The following AGBL1 variants were observed in gnomAD, a reference collection of about 807,000 sequenced individuals.
AGBL1 encodes AGBL carboxypeptidase 1, also known as cytosolic carboxypeptidase 4.
A neutral mutation model predicts 118.9 loss-of-function variants in AGBL1; 130 were observed. That is an observed-to-expected ratio of 1.09 (90% CI 0.95 to 1.26). The LOEUF is 1.26. AGBL1 is among the 50% of genes most tolerant of loss of function. The pLI, the probability that AGBL1 is intolerant of heterozygous loss-of-function variation, is 0.00. For synonymous variants in AGBL1, 555 were observed against 478.9 expected (o/e 1.16, Z -2.08); for missense variants, 1,584 against 1,298.1 (o/e 1.22, Z -3.38).
chr15:86,422,857 C>T (rs529807424), intron 18 of AGBL1, among the ~76,000 whole-genome samples: 1 of 152,036 alleles, frequency 6.6e-6, no homozygotes, highest in African/African-American at 2.4e-5. Flanking sequence ...GAAATGGATA[C>T]ATTCCTGGAC....
chr15:86,138,299 C>T (rs887895601), intron 1 of AGBL1: 2 of 152,190 alleles, frequency 1.3e-5, no homozygotes, highest in Non-Finnish European at 2.9e-5. Flanking sequence ...CAAGAGTCTC[C>T]CATCCAAGTA....
At chr15:86,774,853 G>C (rs1316929444) in intron 22 of AGBL1, among the ~76,000 whole-genome samples, 1 of 152,110 alleles carries the variant, frequency 6.6e-6, no homozygotes, top group Non-Finnish European at 1.5e-5. Context: ...ATGAAGTGGA[G>C]AGGAAGAGAG....
At chr15:86,272,941 A>G (rs1470536354) in intron 15 of AGBL1, among the ~76,000 whole-genome samples, 1 of 152,230 alleles carries the variant, frequency 6.6e-6, no homozygotes, top group Non-Finnish European at 1.5e-5. Flanking sequence ...GATTTAGATT[A>G]AAAATCACCT....
chr15:86,930,670 G>GA (rs911515985), intron 23 of AGBL1, among the ~76,000 whole-genome samples: 7 of 151,942 alleles, frequency 4.6e-5, no homozygotes, highest in African/African-American at 1.5e-4. Flanking sequence ...AAGGGTCCAT[G>GA]AAAAAAATGA....
At chr15:86,790,595 G>T (rs1478496741) in intron 22 of AGBL1, among the ~76,000 whole-genome samples, 1 of 151,970 alleles carries the variant, frequency 6.6e-6, no homozygotes, top group Admixed American at 6.6e-5. Flanking sequence ...CTTAGTTTAG[G>T]GTTCCTATGG....
chr15:86,791,426 T>G (rs1390810108), intron 22 of AGBL1, among the ~76,000 whole-genome samples: 1 of 152,124 alleles, frequency 6.6e-6, no homozygotes, highest in Non-Finnish European at 1.5e-5. Context: ...GTAATTCACC[T>G]CACCCATAGC....
chr15:86,120,198 A>C (rs1041907202), intron 1 of AGBL1, among the ~76,000 whole-genome samples: 2 of 152,136 alleles, frequency 1.3e-5, no homozygotes, highest in Non-Finnish European at 2.9e-5. Context: ...TTGGGGCTGT[A>C]AGATATGTTG....
At chr15:86,679,838 G>A (rs1255000054) in intron 22 of AGBL1, among the ~76,000 whole-genome samples, 1 of 152,042 alleles carries the variant, frequency 6.6e-6, no homozygotes, top group African/African-American at 2.4e-5. Flanking sequence ...AAATCTTATA[G>A]ATTTTCTAAT....
At chr15:86,537,278 A>G (rs542740502) in intron 19 of AGBL1, among the ~76,000 whole-genome samples, 3 of 152,350 alleles carry the variant, frequency 2.0e-5, no homozygotes, top group East Asian at 1.9e-4. Flanking sequence ...AGAGGTCCCA[A>G]TAACCATCTG....
chr15:86,481,371 A>G (rs1213579269), intron 18 of AGBL1, among the ~76,000 whole-genome samples: 3 of 152,070 alleles, frequency 2.0e-5, no homozygotes, highest in Admixed American at 1.3e-4. Context: ...TAAAATTTAA[A>G]TCAGTTGCTT....
Position 87,028,519 on chromosome 15 carries a change from A to T in AGBL1, c.3324-306A>T, listed in dbSNP as rs145063966. Among the ~76,000 whole-genome samples the T allele has an allele frequency of 2.3e-3, 348 of 152,100 alleles. 1 individual carries two copies. The highest frequency in any genetic ancestry group is 0.01 in the Middle Eastern group (3 of 294). Reference sequence around the variant, plus strand: ...TACTTGGAATTTACCTAATGACTTTATATTTTTAAATCATCCATTCATTAA... The same window carrying T: ...TACTTGGAATTTACCTAATGACTTTTTATTTTTAAATCATCCATTCATTAA... On this transcript the variant is annotated intron_variant, in intron 24 of 24. Coordinates refer to the AGBL1 transcript ENST00000441037.
intron 18 of AGBL1, among the ~76,000 whole-genome samples, chr15:86,474,035 T>G (rs1240166034): frequency 6.6e-6 from 1 of 152,186 alleles, no homozygotes; most frequent in Non-Finnish European, 1.5e-5. Flanking sequence ...TGGTATTTAT[T>G]TTTAATGAGT....
intron 1 of AGBL1, among the ~76,000 whole-genome samples, chr15:86,138,723 C>A (rs190456930): frequency 6.6e-6 from 1 of 152,190 alleles, no homozygotes; most frequent in East Asian, 1.9e-4. Context: ...CTCTTATTTT[C>A]CTTTTCCTTG....
At chr15:86,759,766 T>C (rs2077997866) in intron 22 of AGBL1, among the ~76,000 whole-genome samples, 1 of 152,094 alleles carries the variant, frequency 6.6e-6, no homozygotes. Flanking sequence ...AGATGATGAC[T>C]CTACATTCTT....
chr15:86,187,731 C>T (rs183676614), intron 5 of AGBL1, among the ~76,000 whole-genome samples: 1 of 152,312 alleles, frequency 6.6e-6, no homozygotes. Flanking sequence ...ATACAGGTCA[C>T]ATGTGACTAT....
rs148171745 is a variant in AGBL1 at position 86,101,524 on chromosome 15, T to C, written c.51+21501T>C. Among the ~76,000 whole-genome samples, 906 of 152,284 alleles carry C rather than the reference T, an allele frequency of 5.9e-3. 5 individuals carry two copies. The highest frequency in any genetic ancestry group is 9.8e-3 in the Non-Finnish European group (666 of 68,016). ...CTACCTGTTCTTTTATATTTGATAC[T>C]ATTTGCTTTATAAATCTTTGTGCTC... On this transcript the variant is annotated intron_variant, in intron 1 of 22. Transcript: ENST00000614907.
chr15:86,818,405 C>A (rs760630039), intron 22 of AGBL1, among the ~76,000 whole-genome samples: 11 of 152,186 alleles, frequency 7.2e-5, no homozygotes, highest in African/African-American at 2.4e-4. Flanking sequence ...CTATTGTGAA[C>A]TGCACATGCA....
intron 21 of AGBL1, among the ~76,000 whole-genome samples, chr15:86,662,596 A>G (rs1366077456): frequency 6.6e-6 from 1 of 152,216 alleles, no homozygotes; most frequent in Non-Finnish European, 1.5e-5. Flanking sequence ...GGCTGCTGCA[A>G]TGATAGAGGG....
intron 21 of AGBL1, among the ~76,000 whole-genome samples, chr15:86,625,959 G>C (rs1279323316): frequency 6.6e-6 from 1 of 152,156 alleles, no homozygotes. Flanking sequence ...AGGCACCAAG[G>C]AGAAAGTTTC....
Sources: gnomAD v4.1 joint callset for allele counts (sites outside exome capture counted in the v4.1 genomes callset) on GRCh38, gnomAD v4.1.1 for gene constraint, MANE v1.5 for transcripts, NCBI Gene and HGNC (gene_info 2026-07-23, HGNC 2026-07-21) for gene names.